SGCZ: variants seen among roughly 807,000 people sequenced by gnomAD.
The protein encoded by SGCZ is zeta-sarcoglycan.
In SGCZ, 40 loss-of-function variants were observed where a neutral mutation model predicts 41.3. The observed-to-expected ratio is 0.97, with a 90% CI of 0.75 to 1.26. The LOEUF (loss-of-function observed/expected upper bound fraction) is 1.26. Among genes scored for constraint, SGCZ ranks in the 50% most tolerant of loss-of-function variants. The probability of loss-of-function intolerance (pLI) is 0.00; values close to 1 mark genes in which losing one functional copy is unlikely to be tolerated. For synonymous variants in SGCZ, 206 were observed against 137.5 expected (o/e 1.50, Z -3.49); for missense variants, 552 against 369.8 (o/e 1.49, Z -4.04).
intron 2 of SGCZ, among the ~76,000 whole-genome samples, chr8:14,387,453 A>G (rs1276188794): frequency 6.6e-6 from 1 of 152,206 alleles, no homozygotes; most frequent in African/African-American, 2.4e-5. Context: ...CAAAAATATT[A>G]CTATATTCAG....
chr8:15,082,085 T>A (rs1047231446), intron 1 of SGCZ, among the ~76,000 whole-genome samples: 1 of 151,926 alleles, frequency 6.6e-6, no homozygotes, highest in South Asian at 2.1e-4. Flanking sequence ...AAAAATTAGC[T>A]GGGCATGATC....
intron 1 of SGCZ, among the ~76,000 whole-genome samples, chr8:14,670,428 G>C (rs1405989445): frequency 2.0e-5 from 3 of 152,102 alleles, no homozygotes; most frequent in African/African-American, 7.2e-5. Flanking sequence ...AAATTGGTAT[G>C]TTTCAAGGTG....
At chr8:14,430,733 T>C (rs1001325141) in intron 2 of SGCZ, among the ~76,000 whole-genome samples, 1 of 152,126 alleles carries the variant, frequency 6.6e-6, no homozygotes, top group African/African-American at 2.4e-5. Context: ...GGCATCCAAA[T>C]CGGAAAAGAG....
intron 1 of SGCZ, among the ~76,000 whole-genome samples, chr8:14,790,213 T>A (rs1343854789): frequency 1.3e-5 from 2 of 152,180 alleles, no homozygotes; most frequent in African/African-American, 2.4e-5. Flanking sequence ...CTTAAATATA[T>A]CATTTACACG....
intron 4 of SGCZ, among the ~76,000 whole-genome samples, chr8:14,235,166 C>T (rs1806711841): frequency 6.6e-6 from 1 of 152,138 alleles, no homozygotes; most frequent in South Asian, 2.1e-4. Flanking sequence ...TTCATTGGCA[C>T]CCAACCAACT....
chr8:14,358,059 T>G (rs1318053414), intron 2 of SGCZ, among the ~76,000 whole-genome samples: 1 of 152,158 alleles, frequency 6.6e-6, no homozygotes, highest in African/African-American at 2.4e-5. Flanking sequence ...GTGCACTCAC[T>G]CATTTATTCA....
chr8:15,130,317 T>A (rs1243465664), intron 1 of SGCZ, among the ~76,000 whole-genome samples: 1 of 152,198 alleles, frequency 6.6e-6, no homozygotes, highest in East Asian at 1.9e-4. Flanking sequence ...CGGGAAGTAA[T>A]CTGCAGGCTC....
At chr8:15,097,770 A>G (rs1363922167) in intron 1 of SGCZ, among the ~76,000 whole-genome samples, 29 of 142,108 alleles carry the variant, frequency 2.0e-4, no homozygotes, top group East Asian at 6.0e-4. Context: ...ATGTGTTTAT[A>G]TATATATATA....
chr8:14,894,871 C>T (rs1805136737), intron 1 of SGCZ, among the ~76,000 whole-genome samples: 1 of 152,084 alleles, frequency 6.6e-6, no homozygotes, highest in Non-Finnish European at 1.5e-5. Flanking sequence ...CTGCAGGAGA[C>T]ACAAACAATT....
chr8:14,327,882 G>C (rs924797135), intron 2 of SGCZ, among the ~76,000 whole-genome samples: 4 of 152,152 alleles, frequency 2.6e-5, no homozygotes, highest in African/African-American at 7.2e-5. Flanking sequence ...CCAGGTTCAA[G>C]TGATTCTCCT....
At chr8:14,139,067 T>C (rs1273132587) in intron 5 of SGCZ, among the ~76,000 whole-genome samples, 1 of 152,154 alleles carries the variant, frequency 6.6e-6, no homozygotes, top group African/African-American at 2.4e-5. Flanking sequence ...ACGTGGAAAC[T>C]GAACAACCTG....
At chr8:14,510,996 A>G (rs1802450784) in intron 2 of SGCZ, among the ~76,000 whole-genome samples, 1 of 152,062 alleles carries the variant, frequency 6.6e-6, no homozygotes, top group Non-Finnish European at 1.5e-5. Context: ...TAACTGTTTT[A>G]TAAAGATAGA....
At chr8:14,535,950 T>C (rs190397327) in intron 2 of SGCZ, among the ~76,000 whole-genome samples, 36 of 151,970 alleles carry the variant, frequency 2.4e-4, no homozygotes, top group Non-Finnish European at 4.7e-4. Context: ...TTATTGATGA[T>C]CTTACATAGT....
chr8:14,205,254 C>T (rs566887569), intron 4 of SGCZ, among the ~76,000 whole-genome samples: 1 of 151,958 alleles, frequency 6.6e-6, no homozygotes, highest in African/African-American at 2.4e-5. Context: ...CTGGAGACAT[C>T]AATTGAAATA....
At chr8:15,185,639 A>G (rs1302597607) in intron 1 of SGCZ, among the ~76,000 whole-genome samples, 1 of 152,196 alleles carries the variant, frequency 6.6e-6, no homozygotes, top group Admixed American at 6.5e-5. Context: ...GACAGCACAG[A>G]ATACATCCTC....
intron 4 of SGCZ, among the ~76,000 whole-genome samples, chr8:14,177,958 C>CTTTTCTTTTTTTTTTTTTTTT (rs767919994): frequency 3.3e-4 from 31 of 95,048 alleles, no homozygotes; most frequent in Non-Finnish European, 4.3e-4. Context: ...CTTTTTTTTT[C>CTTTTCTTTTTTTTTTTTTTTT]TTTTTTTTTT....
intron 2 of SGCZ, among the ~76,000 whole-genome samples, chr8:14,378,726 T>C (rs1742666123): frequency 6.6e-6 from 1 of 152,144 alleles, no homozygotes. Context: ...ACTGAGCCCT[T>C]AACTTGTGGG....
rs192405892 is a variant in SGCZ at position 14,240,647 on chromosome 8, T to A, written c.337-2968A>T. ...TATGAACATCAATATAGTATTAAGC[T>A]ATACTTATTTATTATAATGTGATCA... is the stretch of plus-strand genomic sequence containing the variant. On this transcript the variant is annotated intron_variant, in intron 3 of 7. Transcript: ENST00000382080. Among the ~76,000 whole-genome samples the A allele has an allele frequency of 7.2e-5, 11 of 152,324 alleles. No individual in the cohort carries two copies. In the East Asian group the frequency reaches 1.5e-3, roughly 21 times the overall value.
chr8:14,294,780 T>C (rs943789911), intron 3 of SGCZ, among the ~76,000 whole-genome samples: 2 of 152,058 alleles, frequency 1.3e-5, no homozygotes, highest in African/African-American at 4.8e-5. Flanking sequence ...ATATCTATCA[T>C]CTAAAACATA....
Sources: gnomAD v4.1 joint callset for allele counts (sites outside exome capture counted in the v4.1 genomes callset) on GRCh38, gnomAD v4.1.1 for gene constraint, MANE v1.5 for transcripts, NCBI Gene and HGNC (gene_info 2026-07-23, HGNC 2026-07-21) for gene names.